TWSG1: variants seen among roughly 807,000 people sequenced by gnomAD.
TWSG1 encodes the protein twisted gastrulation BMP signaling modulator 1.
TWSG1 carries 15 observed loss-of-function variants against 23.0 expected under a neutral mutation model. The observed-to-expected ratio is 0.65, with a 90% CI of 0.44 to 1.00. The LOEUF is 1.00. Ranked by LOEUF, TWSG1 falls within the 50% of genes least tolerant of loss-of-function variation. The probability of loss-of-function intolerance (pLI) is 0.00; values close to 1 mark genes in which losing one functional copy is unlikely to be tolerated. For synonymous variants in TWSG1, 86 were observed against 92.8 expected (o/e 0.93, Z 0.42); for missense variants, 242 against 278.7 (o/e 0.87, Z 0.94).
At chr18:9,339,321 A>G (rs1236163774) in intron 2 of TWSG1, among the ~76,000 whole-genome samples, 3 of 151,704 alleles carry the variant, frequency 2.0e-5, no homozygotes, top group African/African-American at 7.3e-5. Flanking sequence ...TGTTTGTTTG[A>G]CTCTTTAAAA....
At chr18:9,381,642 A>G (rs1250720278) in intron 3 of TWSG1, among the ~76,000 whole-genome samples, 2 of 152,232 alleles carry the variant, frequency 1.3e-5, no homozygotes, top group East Asian at 1.9e-4. Flanking sequence ...AACTAAAATT[A>G]CTACTTGAAC....
chr18:9,401,051 A>T lies in TWSG1; in HGVS notation c.*1524A>T, dbSNP rs2040760399. On this transcript the variant is annotated 3_prime_UTR_variant, in exon 5 of 5. Coordinates refer to ENST00000262120, the MANE Select transcript of TWSG1 (RefSeq NM_020648.6). ...TAGTTAAAAGATCATTTGTAATATTATGATCAACTGTTATAAATTAAGGTC... is the reference window on the plus strand; with the variant it reads ...TAGTTAAAAGATCATTTGTAATATTTTGATCAACTGTTATAAATTAAGGTC... 3.9e-5 allele frequency: 6 copies of T among 152,346 alleles called. No homozygotes were observed. In the South Asian group the frequency reaches 1.2e-3, roughly 32 times the overall value. 9.4% of individuals were successfully genotyped at this position (152,346 alleles called of 1,614,324 possible).
intron 2 of TWSG1, among the ~76,000 whole-genome samples, chr18:9,342,153 C>A (rs8096988): frequency 0.72 from 108,808 of 152,060 alleles, 39,004 homozygotes; most frequent in Middle Eastern, 0.76. Flanking sequence ...AATGGTTAAG[C>A]GTATGAACTC....
intron 2 of TWSG1, among the ~76,000 whole-genome samples, chr18:9,348,141 G>C (rs1022043106): frequency 1.3e-5 from 2 of 152,200 alleles, no homozygotes; most frequent in African/African-American, 4.8e-5. Flanking sequence ...GCTGGAATGT[G>C]TTCTCTGCTC....
intron 3 of TWSG1, among the ~76,000 whole-genome samples, chr18:9,373,925 T>G (rs977597808): frequency 1.3e-5 from 2 of 152,166 alleles, no homozygotes; most frequent in Non-Finnish European, 2.9e-5. Context: ...TCCCAAAATA[T>G]GTGAAGATTA....
At chr18:9,365,794 A>T (rs2040575898) in intron 3 of TWSG1, among the ~76,000 whole-genome samples, 1 of 152,184 alleles carries the variant, frequency 6.6e-6, no homozygotes. Flanking sequence ...TGAGCACAGG[A>T]GTTCAAGATC....
In TWSG1 at chr18:9,400,158, A is replaced by G. The variant is rs932801454; in HGVS notation, c.*631A>G. 2 of 152,222 alleles carry G rather than the reference A, an allele frequency of 1.3e-5. No homozygotes were observed. Among genetic ancestry groups the G allele is most frequent in the Non-Finnish European group, 2.9e-5 (2 of 68,040 alleles). 9.4% of individuals were successfully genotyped at this position (152,222 alleles called of 1,614,324 possible). A position where few individuals can be genotyped will look rare whatever the true frequency, so the allele number is the denominator to read the frequency against. ...CCATTCTATAATACATGTGTTGACAAAGCTTTAGAGAAAGTTTCCTATTCT... is the reference window on the plus strand; with the variant it reads ...CCATTCTATAATACATGTGTTGACAGAGCTTTAGAGAAAGTTTCCTATTCT... On this transcript the variant is annotated 3_prime_UTR_variant, in exon 5 of 5. Transcript: ENST00000262120.
intron 3 of TWSG1, among the ~76,000 whole-genome samples, chr18:9,364,487 C>T (rs778823820): frequency 3.9e-5 from 6 of 152,126 alleles, no homozygotes; most frequent in Admixed American, 6.6e-5. Context: ...CCTGAGTCAG[C>T]TACTTCATTA....
chr18:9,374,509 A>G (rs965017774), intron 3 of TWSG1, among the ~76,000 whole-genome samples: 1 of 152,230 alleles, frequency 6.6e-6, no homozygotes, highest in African/African-American at 2.4e-5. Context: ...TCAAACCTAT[A>G]TTTTTTAAAT....
At chr18:9,357,840 AG>A (rs5823051) in intron 2 of TWSG1, among the ~76,000 whole-genome samples, 92,170 of 151,042 alleles carry the variant, frequency 0.61, 29,569 homozygotes, top group Non-Finnish European at 0.69. Flanking sequence ...GGAGCAGGGA[AG>A]GGGGGGGATG....
At chr18:9,352,924 T>A (rs370881303) in intron 2 of TWSG1, among the ~76,000 whole-genome samples, 12 of 152,358 alleles carry the variant, frequency 7.9e-5, no homozygotes, top group Admixed American at 5.2e-4. Flanking sequence ...TGTATAGTCA[T>A]GGCACTGTGT....
Position 9,402,379 on chromosome 18 carries a change from T to C in TWSG1, c.*2852T>C, listed in dbSNP as rs1410604257. The C allele has an allele frequency of 6.6e-6, 1 of 152,212 alleles. No individual in the cohort carries two copies. Among genetic ancestry groups the C allele is most frequent in the Non-Finnish European group, 1.5e-5 (1 of 68,042 alleles). The allele number at this position is 152,212 out of a possible 1,614,324, so 9.4% of individuals were successfully genotyped here. ...AAAATTGTGTATTTTTCTTTGGTTG[T>C]CCCTATTAACAAAAAAGTATTTTAA... On this transcript the variant is annotated 3_prime_UTR_variant, in exon 5 of 5. Coordinates refer to ENST00000262120, the MANE Select transcript of TWSG1 (RefSeq NM_020648.6).
Position 9,399,379 on chromosome 18 carries a change from G to T in TWSG1, c.524G>T (p.Cys175Phe), listed in dbSNP as rs551734204. The T allele has an allele frequency of 6.2e-7, 1 of 1,612,224 alleles. No individual in the cohort carries two copies. Among genetic ancestry groups the T allele is most frequent in the East Asian group, 2.2e-5 (1 of 44,822 alleles). ...HMCTVVYFDD[C>F]MSIHQCKISC... ...TGTACTGTGGTTTATTTTGATGACT[G>T]CATGTCCATACATCAGTGTAAAATA... Residue 175 changes from cysteine (C) to phenylalanine (F), a missense_variant, in exon 5 of 5, where the codon TGC becomes TTC. Physicochemically the swap from Cys to Phe is radical, Grantham distance 205 (BLOSUM62 -2). Coordinates refer to ENST00000262120, the MANE Select transcript of TWSG1 (RefSeq NM_020648.6).
chr18:9,382,982 G>T (rs531953067), intron 3 of TWSG1, among the ~76,000 whole-genome samples: 1 of 152,084 alleles, frequency 6.6e-6, no homozygotes, highest in African/African-American at 2.4e-5. Context: ...TGTCTTACAT[G>T]CAATGACTAA....
intron 3 of TWSG1, among the ~76,000 whole-genome samples, chr18:9,367,653 T>C (rs1002316008): frequency 1.3e-5 from 2 of 152,122 alleles, no homozygotes; most frequent in Non-Finnish European, 2.9e-5. Flanking sequence ...ATTGGATTCT[T>C]ACAGGAGCTC....
At chr18:9,348,586 T>C (rs894843332) in intron 2 of TWSG1, among the ~76,000 whole-genome samples, 3 of 152,222 alleles carry the variant, frequency 2.0e-5, no homozygotes, top group Non-Finnish European at 2.9e-5. Context: ...TCCAACATAC[T>C]GAGTTATTAA....
chr18:9,387,819 C>G (rs1048121174), intron 3 of TWSG1, among the ~76,000 whole-genome samples: 1 of 151,436 alleles, frequency 6.6e-6, no homozygotes, highest in African/African-American at 2.4e-5. Context: ...CGTTTTACCC[C>G]TACTTTCTTT....
At position 9,342,224 on chromosome 18, in the gene TWSG1, G is replaced by A. The variant is rs2040449343; in HGVS notation, c.123+4872G>A. 2.0e-5 allele frequency among the ~76,000 whole-genome samples: 3 copies of A among 152,298 alleles called. No homozygotes were observed. In the South Asian group the frequency reaches 6.2e-4, roughly 32 times the overall value. On this transcript the variant is annotated intron_variant, in intron 2 of 4. Transcript: ENST00000262120. ...CCACTTACTGGTTGTATGACCTTGG[G>A]CAAGTTAGTTAATCTCTCAATGCCT...
At chr18:9,355,348 A>G (rs2040521398) in intron 2 of TWSG1, among the ~76,000 whole-genome samples, 1 of 152,160 alleles carries the variant, frequency 6.6e-6, no homozygotes, top group Non-Finnish European at 1.5e-5. Flanking sequence ...GTTTCATCAC[A>G]GAGAGTTGTT....
Sources: allele counts gnomAD v4.1 joint callset (sites outside exome capture counted in the v4.1 genomes callset), GRCh38; gene constraint gnomAD v4.1.1; transcripts MANE v1.5; gene names NCBI Gene and HGNC (gene_info 2026-07-23, HGNC 2026-07-21).